The following BCAS3 variants were observed in gnomAD, a reference collection of about 807,000 sequenced individuals.
BCAS3 encodes the protein BCAS4/BCAS3 fusion.
BCAS3 carries 53 observed loss-of-function variants against 116.1 expected under a neutral mutation model. That is an observed-to-expected ratio of 0.46 (90% CI 0.37 to 0.57). BCAS3 has a LOEUF of 0.57. Ranked by LOEUF, BCAS3 falls within the 20% of genes least tolerant of loss-of-function variation. BCAS3 has a pLI of 0.00. For missense variants in BCAS3, 917 were observed against 1,165.4 expected (o/e 0.79, Z 3.10); for synonymous variants, 391 against 408.2 (o/e 0.96, Z 0.51).
intron 19 of BCAS3, among the ~76,000 whole-genome samples, chr17:61,053,523 C>T (rs181107286): frequency 5.8e-4 from 89 of 152,312 alleles, no homozygotes; most frequent in Middle Eastern, 6.8e-3. Flanking sequence ...CCTGGAAAAG[C>T]AATTAAATAT....
chr17:60,805,858 T>G (rs898938986), intron 6 of BCAS3, among the ~76,000 whole-genome samples: 1 of 88,662 alleles, frequency 1.1e-5, no homozygotes, highest in African/African-American at 8.0e-5. Context: ...TCAGCCTAAG[T>G]TTTTTTTTTT....
intron 7 of BCAS3, among the ~76,000 whole-genome samples, chr17:60,860,673 T>C (rs903703331): frequency 2.0e-5 from 3 of 152,166 alleles, no homozygotes; most frequent in Non-Finnish European, 4.4e-5. Context: ...GGAAAGATTT[T>C]CATATATAGA....
chr17:60,896,142 A>G (rs1024702284), intron 10 of BCAS3, among the ~76,000 whole-genome samples: 1 of 152,138 alleles, frequency 6.6e-6, no homozygotes, highest in African/African-American at 2.4e-5. Flanking sequence ...CCTGGCCAAC[A>G]TGGCAAAATG....
At chr17:61,207,345 TATTA>T (rs765000227) in intron 22 of BCAS3, among the ~76,000 whole-genome samples, 4 of 152,218 alleles carry the variant, frequency 2.6e-5, no homozygotes, top group South Asian at 2.1e-4. Flanking sequence ...TGAAGATATA[TATTA>T]ATTCATTTAA....
chr17:61,209,342 C>T (rs1057032136), intron 22 of BCAS3, among the ~76,000 whole-genome samples: 1 of 151,966 alleles, frequency 6.6e-6, no homozygotes, highest in Non-Finnish European at 1.5e-5. Context: ...GTCTTGGTTA[C>T]AGTGATTATT....
chr17:60,823,159 A>G (rs1403141333), intron 7 of BCAS3, among the ~76,000 whole-genome samples: 2 of 152,184 alleles, frequency 1.3e-5, no homozygotes, highest in African/African-American at 4.8e-5. Flanking sequence ...CTTTGTTTAT[A>G]TATGCCTAGT....
intron 22 of BCAS3, among the ~76,000 whole-genome samples, chr17:61,216,779 G>A (rs2081821140): frequency 2.0e-5 from 3 of 150,740 alleles, no homozygotes; most frequent in Non-Finnish European, 4.4e-5. Context: ...CCTGACCTCA[G>A]GATCCACCCA....
At position 61,354,490 on chromosome 17, in the gene BCAS3, C is replaced by G. The variant is rs1270708120; in HGVS notation, c.2426-13837C>G. ...GCCTCAAGGCCTGATGGAAACCATC[C>G]ACAGCCACTCTAGTAAGTGACCCCT... On this transcript the variant is annotated intron_variant, in intron 22 of 23. Transcript: ENST00000407086. This position sits in a 1 kb window ranked among gnomAD's most constrained non-coding sequence, Gnocchi z 4.5. 4 of 152,310 alleles carry G rather than the reference C, an allele frequency of 2.6e-5. No individual in the cohort carries two copies. The highest frequency in any genetic ancestry group is 7.2e-5 in the African/African-American group (3 of 41,438). The allele number at this position is 152,310 out of a possible 1,614,324, so 9.4% of individuals were successfully genotyped here.
rs542150802 is a variant in BCAS3, at chr17:60,680,330, G to A, written c.83+790G>A. 3.9e-5 allele frequency among the ~76,000 whole-genome samples: 6 copies of A among 152,072 alleles called. No homozygotes were observed. The East Asian group carries it at 1.2e-3, about 29-fold the overall frequency. On this transcript the variant is annotated intron_variant, in intron 2 of 23. Transcript: ENST00000407086. ...GTACATGTGCAGGTTTGTTATATAGGGAAACTCATGTCACAGGGGTTTGTT... is the reference window on the plus strand; with the variant it reads ...GTACATGTGCAGGTTTGTTATATAGAGAAACTCATGTCACAGGGGTTTGTT...
chr17:60,868,027 G>GT lies in BCAS3; in HGVS notation c.477-535dup, dbSNP rs750908710. ...TCATATAATTTTTCTTTTCTTTCAT[G>GT]TTTTTTTTTTTTTTGAGACGGATTC... On this transcript the variant is annotated intron_variant, in intron 7 of 23. Coordinates refer to ENST00000407086, the MANE Select transcript of BCAS3 (RefSeq NM_017679.5). Among the ~76,000 whole-genome samples the GT allele has an allele frequency of 0.027, 3,772 of 139,976 alleles. 340 individuals are homozygous for GT. In the East Asian group the frequency reaches 0.33, roughly 12 times the overall value. The allele number at this position is 139,976 out of a possible 152,430, so 91.8% of individuals were successfully genotyped here.
chr17:61,024,548 C>T (rs952015523), intron 16 of BCAS3, among the ~76,000 whole-genome samples: 3 of 151,830 alleles, frequency 2.0e-5, no homozygotes, highest in African/African-American at 7.3e-5. Flanking sequence ...ACTACAGTGT[C>T]TGAGTTTTAC....
chr17:60,965,396 A>T (rs1445206759), intron 14 of BCAS3, among the ~76,000 whole-genome samples: 1 of 151,560 alleles, frequency 6.6e-6, no homozygotes, highest in Admixed American at 6.6e-5. Flanking sequence ...TAATTTTTGT[A>T]TTTTTAGTAG....
Position 61,361,945 on chromosome 17 carries a change from G to A in BCAS3, c.2426-6382G>A, listed in dbSNP as rs1439654968. ...AGTTGAATGATGCCTGCCCACAATGGTGAGGGCAATCTTCTTTCCTCAGTC... is the reference window on the plus strand; with the variant it reads ...AGTTGAATGATGCCTGCCCACAATGATGAGGGCAATCTTCTTTCCTCAGTC... On this transcript the variant is annotated intron_variant, in intron 22 of 23. Coordinates refer to ENST00000407086, the MANE Select transcript of BCAS3 (RefSeq NM_017679.5). The surrounding 1 kb of genome is among the most constrained non-coding windows in gnomAD (Gnocchi z 6.5). The A allele has an allele frequency of 6.6e-6, 1 of 152,224 alleles. No individual in the cohort carries two copies. The highest frequency in any genetic ancestry group is 1.5e-5 in the Non-Finnish European group (1 of 68,068). 9.4% of individuals were successfully genotyped at this position (152,224 alleles called of 1,614,324 possible).
At chr17:61,039,237 A>G (rs1039161828) in intron 18 of BCAS3, among the ~76,000 whole-genome samples, 8 of 152,076 alleles carry the variant, frequency 5.3e-5, no homozygotes, top group African/African-American at 1.7e-4. Context: ...CACTTAGCAT[A>G]TTTTCAAGAT....
chr17:61,384,228 C>A (rs1175805837), intron 23 of BCAS3, among the ~76,000 whole-genome samples: 1 of 152,252 alleles, frequency 6.6e-6, no homozygotes, highest in Non-Finnish European at 1.5e-5. Context: ...CAAGGCTCTG[C>A]CCCCAGGTTG....
intron 22 of BCAS3, among the ~76,000 whole-genome samples, chr17:61,273,842 T>C (rs1161536588): frequency 6.6e-6 from 1 of 151,580 alleles, no homozygotes; most frequent in East Asian, 1.9e-4. Context: ...GTCAAGTCAA[T>C]TTAGTGAATT....
intron 7 of BCAS3, among the ~76,000 whole-genome samples, chr17:60,843,150 T>C (rs2052132992): frequency 1.3e-5 from 2 of 151,654 alleles, no homozygotes; most frequent in African/African-American, 2.4e-5. Context: ...TTTTTAAAAA[T>C]TGGCTAAAAA....
chr17:60,917,519 C>T (rs2058833896), intron 12 of BCAS3, among the ~76,000 whole-genome samples: 1 of 152,118 alleles, frequency 6.6e-6, no homozygotes, highest in African/African-American at 2.4e-5. Flanking sequence ...CATAATATTC[C>T]ACTGAATGTG....
At chr17:61,275,016 A>G (rs1427345853) in intron 22 of BCAS3, among the ~76,000 whole-genome samples, 1 of 151,908 alleles carries the variant, frequency 6.6e-6, no homozygotes, top group Non-Finnish European at 1.5e-5. Context: ...ATACTTCACT[A>G]ATTTTTTAAT....
Sources: allele counts gnomAD v4.1 joint callset (sites outside exome capture counted in the v4.1 genomes callset), GRCh38; gene constraint gnomAD v4.1.1; non-coding constraint Gnocchi (gnomAD v3.1); transcripts MANE v1.5; gene names NCBI Gene and HGNC (gene_info 2026-07-23, HGNC 2026-07-21).